The following PTPRN2 variants were observed in gnomAD, a reference collection of about 807,000 sequenced individuals.
PTPRN2 encodes protein tyrosine phosphatase receptor type N2.
PTPRN2 carries 74 observed loss-of-function variants against 118.8 expected under a neutral mutation model. The observed-to-expected ratio is 0.62, with a 90% confidence interval of 0.52 to 0.76. The LOEUF (loss-of-function observed/expected upper bound fraction) is 0.76. Among genes scored for constraint, PTPRN2 ranks in the 30% least tolerant of loss-of-function variants. The pLI is 0.00. For missense variants in PTPRN2, 1,481 were observed against 1,394.4 expected, an observed-to-expected ratio of 1.06 and a Z score of -0.99; for synonymous variants, 641 against 608.0, an observed-to-expected ratio of 1.05 and a Z score of -0.80.
intron 1 of PTPRN2, among the ~76,000 whole-genome samples, chr7:158,582,796 C>CAAAAAAA (rs1156687117): frequency 2.7e-4 from 12 of 44,292 alleles, no homozygotes; most frequent in East Asian, 1.1e-3. Flanking sequence ...GACTCCATCT[C>CAAAAAAA]AAAAAAAAAA....
intron 12 of PTPRN2, among the ~76,000 whole-genome samples, chr7:157,824,346 T>C (rs1807038805): frequency 1.3e-5 from 2 of 152,320 alleles, no homozygotes; most frequent in South Asian, 4.1e-4. Flanking sequence ...GGCCTTCCCC[T>C]TTGCACCTGA....
intron 12 of PTPRN2, among the ~76,000 whole-genome samples, chr7:157,846,819 C>T (rs1808847768): frequency 6.6e-6 from 1 of 151,562 alleles, no homozygotes; most frequent in African/African-American, 2.4e-5. Context: ...AGCCCTCTCT[C>T]ACTCCATCAT....
intron 12 of PTPRN2, among the ~76,000 whole-genome samples, chr7:157,735,486 G>A (rs1470169446): frequency 2.6e-5 from 4 of 152,224 alleles, no homozygotes; most frequent in Non-Finnish European, 5.9e-5. Context: ...GGAAGGTGGA[G>A]GGCTGCTGAG....
intron 2 of PTPRN2, among the ~76,000 whole-genome samples, chr7:158,414,579 G>A (rs930443120): frequency 2.6e-4 from 39 of 152,328 alleles, no homozygotes; most frequent in African/African-American, 8.9e-4. Flanking sequence ...ATTCCCATTA[G>A]GAAGAAGCTG....
At position 157,927,599 on chromosome 7, in the gene PTPRN2, C is replaced by T. The variant is rs540575797; in HGVS notation, c.1724-28862G>A. On this transcript the variant is annotated intron_variant, in intron 11 of 22. Transcript: ENST00000389418. The stretch of plus-strand genomic sequence containing the variant: ...CCAGGGACCCGTCTGAGAGCAGAGA[C>T]CTCATGTCTGCTGGGACCCCGAAGA... 3.0e-3 allele frequency among the ~76,000 whole-genome samples: 446 copies of T among 150,700 alleles called. 8 individuals are homozygous for T. The highest frequency in any genetic ancestry group is 0.01 in the African/African-American group (427 of 40,850).
chr7:157,550,300 A>C lies in PTPRN2; in HGVS notation c.2903-1281T>G, dbSNP rs2117010441. Among the ~76,000 whole-genome samples the C allele has an allele frequency of 6.6e-6, 1 of 151,182 alleles. No individual in the cohort carries two copies. The highest frequency in any genetic ancestry group is 2.1e-4 in the South Asian group (1 of 4,818). On this transcript the variant is annotated intron_variant, in intron 21 of 22. Transcript: ENST00000389418. The surrounding 1 kb of genome is among the most constrained non-coding windows in gnomAD (Gnocchi z 5.2). ...TAGCAGGTGCCTGCGAAGCACCTCC[A>C]AGTCACAGCAGGTGCCTGCGAAGCA...
intron 11 of PTPRN2, among the ~76,000 whole-genome samples, chr7:158,073,677 C>T (rs118037635): frequency 0.061 from 9,207 of 151,260 alleles, 334 homozygotes; most frequent in Non-Finnish European, 0.084. Context: ...CCTTTCTATG[C>T]GGAGATGAGG....
chr7:158,071,412 C>T (rs1811576900), intron 11 of PTPRN2, among the ~76,000 whole-genome samples: 1 of 55,800 alleles, frequency 1.8e-5, no homozygotes. Flanking sequence ...GGTGGAGTTG[C>T]TCCTGGTGGT....
intron 3 of PTPRN2, among the ~76,000 whole-genome samples, chr7:158,216,073 A>G (rs1827934648): frequency 6.6e-6 from 1 of 152,188 alleles, no homozygotes; most frequent in South Asian, 2.1e-4. Flanking sequence ...AACAATTATA[A>G]TATAAATGAG....
intron 5 of PTPRN2, among the ~76,000 whole-genome samples, chr7:158,170,998 CAT>C (rs965206836): frequency 4.7e-5 from 7 of 147,660 alleles, no homozygotes; most frequent in South Asian, 2.1e-4. Context: ...TATACACATA[CAT>C]ATATATATAC....
intron 11 of PTPRN2, among the ~76,000 whole-genome samples, chr7:158,002,814 A>G (rs1446000922): frequency 6.6e-6 from 1 of 152,226 alleles, no homozygotes; most frequent in Non-Finnish European, 1.5e-5. Context: ...AGCAGGAGCC[A>G]CACAAGGCTC....
At chr7:158,315,755 AAG>A (rs1802267714) in intron 3 of PTPRN2, among the ~76,000 whole-genome samples, 1 of 152,222 alleles carries the variant, frequency 6.6e-6, no homozygotes, top group Non-Finnish European at 1.5e-5. Flanking sequence ...GCAACTGGGG[AAG>A]AGACATATTA....
chr7:157,677,763 T>C (rs1160721136), intron 13 of PTPRN2, among the ~76,000 whole-genome samples: 2 of 152,224 alleles, frequency 1.3e-5, no homozygotes, highest in Admixed American at 6.5e-5. Context: ...CCTGGCTAAA[T>C]TCTGCAGGTT....
At chr7:157,889,146 C>T (rs1316171655) in intron 12 of PTPRN2, among the ~76,000 whole-genome samples, 2 of 152,146 alleles carry the variant, frequency 1.3e-5, no homozygotes, top group African/African-American at 2.4e-5. Context: ...CCCCAACTGA[C>T]GGAATGACCT....
At chr7:157,786,592 G>A (rs368885586) in intron 12 of PTPRN2, among the ~76,000 whole-genome samples, 47 of 152,276 alleles carry the variant, frequency 3.1e-4, no homozygotes, top group African/African-American at 1.0e-3. Flanking sequence ...GACCGGGCTC[G>A]CTCCCACTCT....
chr7:158,232,279 C>T (rs1027463937), intron 3 of PTPRN2, among the ~76,000 whole-genome samples: 2 of 152,046 alleles, frequency 1.3e-5, no homozygotes, highest in African/African-American at 4.8e-5. Flanking sequence ...GATGTAACAA[C>T]TCAGATCACA....
intron 15 of PTPRN2, chr7:157,616,662 T>C (rs932070566): frequency 1.3e-5 from 2 of 152,096 alleles, no homozygotes; most frequent in Non-Finnish European, 2.9e-5. Flanking sequence ...GCAACTTTCT[T>C]GGCGAGGTGA....
rs747829173 is a variant in PTPRN2, at chr7:158,526,302, C to G, written c.113-36517G>C. Among the ~76,000 whole-genome samples, 1 of 152,190 alleles carries G rather than the reference C, an allele frequency of 6.6e-6. No individual in the cohort carries two copies. The highest frequency in any genetic ancestry group is 1.5e-5 in the Non-Finnish European group (1 of 68,032). On this transcript the variant is annotated intron_variant, in intron 1 of 22. Coordinates refer to ENST00000389418, the MANE Select transcript of PTPRN2 (RefSeq NM_002847.5). This position sits in a 1 kb window ranked among gnomAD's most constrained non-coding sequence, Gnocchi z 5.2. ...GGCGGCGAAGGGAACTGACACCACT[C>G]CTTCCCGGTGAGCTCGGCAGGGCTG...
intron 11 of PTPRN2, among the ~76,000 whole-genome samples, chr7:158,009,090 T>C (rs1404228265): frequency 1.3e-5 from 2 of 152,128 alleles, no homozygotes; most frequent in African/African-American, 4.8e-5. Flanking sequence ...TCTTCTCATT[T>C]GTCCAAACGA....
Sources: allele counts gnomAD v4.1 joint callset (sites outside exome capture counted in the v4.1 genomes callset), GRCh38; gene constraint gnomAD v4.1.1; non-coding constraint Gnocchi (gnomAD v3.1); transcripts MANE v1.5; gene names NCBI Gene and HGNC (gene_info 2026-07-23, HGNC 2026-07-21).